Variants in DCDC2C observed in about 807,000 individuals in gnomAD.
The protein encoded by DCDC2C is doublecortin domain containing 2C.
DCDC2C carries 44 observed loss-of-function variants against 45.0 expected under a neutral mutation model. The observed-to-expected ratio is 0.98, with a 90% CI of 0.77 to 1.26. The LOEUF (loss-of-function observed/expected upper bound fraction) is 1.26, where lower values mean the gene tolerates loss of function less well. Ranked by LOEUF, DCDC2C falls within the 50% of genes most tolerant of loss-of-function variation. The pLI is 0.00. For missense variants in DCDC2C, 447 were observed against 468.9 expected (o/e 0.95, Z 0.43); for synonymous variants, 187 against 178.8 (o/e 1.05, Z -0.37).
chr2:3,810,740 T>G (rs1671372292), intron 10 of DCDC2C, among the ~76,000 whole-genome samples: 1 of 152,248 alleles, frequency 6.6e-6, no homozygotes, highest in Admixed American at 6.5e-5. Context: ...TTAATCCATC[T>G]TGAGTTAATT....
intron 10 of DCDC2C, among the ~76,000 whole-genome samples, chr2:3,791,766 C>T (rs1443798221): frequency 6.6e-6 from 1 of 152,214 alleles, no homozygotes; most frequent in South Asian, 2.1e-4. Context: ...CTCTTCCTCC[C>T]CTCCCGCCGG....
intron 2 of DCDC2C, among the ~76,000 whole-genome samples, chr2:3,725,413 G>GCAGAGAGTGAT: frequency 9.8e-6 from 1 of 102,032 alleles, no homozygotes; most frequent in African/African-American, 3.4e-5. Flanking sequence ...CAGAGAGTGA[G>GCAGAGAGTGAT]GAGGCTGCCA....
At chr2:3,752,697 A>G in intron 4 of DCDC2C, 66 bp from the exon 5 acceptor site, 1 of 1,528,578 alleles carries the variant, frequency 6.5e-7, no homozygotes, top group African/African-American at 1.4e-5. Context: ...TGTATGCACA[A>G]ATACCCCAAG....
chr2:3,752,941 A>C (rs1325211058), intron 5 of DCDC2C, 41 bp downstream of exon 5: 1 of 1,537,376 alleles, frequency 6.5e-7, no homozygotes, highest in South Asian at 1.2e-5. Flanking sequence ...GTTTTGGAAA[A>C]AAATTAGCCT....
intron 10 of DCDC2C, among the ~76,000 whole-genome samples, chr2:3,795,884 G>GT (rs1390575202): frequency 1.5e-5 from 2 of 129,374 alleles, no homozygotes; most frequent in East Asian, 3.2e-4. Flanking sequence ...CTTTAAAGTA[G>GT]TTTTTTCCAA....
chr2:3,709,352 G>A (rs1668148130), intron 2 of DCDC2C, among the ~76,000 whole-genome samples: 1 of 152,176 alleles, frequency 6.6e-6, no homozygotes, highest in African/African-American at 2.4e-5. Flanking sequence ...TGTATAATGT[G>A]CCAGCACTAG....
chr2:3,832,241 A>G (rs573482035), intron 10 of DCDC2C, among the ~76,000 whole-genome samples: 1 of 152,356 alleles, frequency 6.6e-6, no homozygotes, highest in South Asian at 2.1e-4. Context: ...CATAGGAAAA[A>G]TCACCTATAG....
intron 10 of DCDC2C, among the ~76,000 whole-genome samples, chr2:3,791,396 TCGCCTTTTCGTGTGGTGGG>T (rs1291760364): frequency 6.6e-6 from 1 of 152,154 alleles, no homozygotes; most frequent in African/African-American, 2.4e-5. Context: ...GATGGACCAA[TCGCCTTTTCGTGTGGTGGG>T]CTCCATGGAA....
intron 10 of DCDC2C, among the ~76,000 whole-genome samples, chr2:3,790,350 G>A (rs1328707853): frequency 6.6e-6 from 1 of 152,220 alleles, no homozygotes; most frequent in East Asian, 1.9e-4. Context: ...CTTAAGACAT[G>A]CTAAGCTCAG....
At chr2:3,766,139 G>A (rs971992224) in intron 6 of DCDC2C, among the ~76,000 whole-genome samples, 5 of 152,030 alleles carry the variant, frequency 3.3e-5, no homozygotes, top group African/African-American at 9.7e-5. Flanking sequence ...GGGGTGGTGG[G>A]GGCTGGGTCA....
chr2:3,813,212 C>T (rs1671460896), intron 10 of DCDC2C, among the ~76,000 whole-genome samples: 1 of 151,764 alleles, frequency 6.6e-6, no homozygotes, highest in African/African-American at 2.4e-5. Flanking sequence ...GCTGGGATTA[C>T]AGGCATGTGC....
intron 1 of DCDC2C, among the ~76,000 whole-genome samples, chr2:3,707,252 G>T (rs1284221955): frequency 2.0e-5 from 3 of 152,018 alleles, no homozygotes; most frequent in African/African-American, 7.3e-5. Flanking sequence ...ATAGTATTTT[G>T]TGTTTTTGTA....
chr2:3,753,392 G>A (rs1375008622), intron 5 of DCDC2C, among the ~76,000 whole-genome samples: 1 of 152,212 alleles, frequency 6.6e-6, no homozygotes, highest in Non-Finnish European at 1.5e-5. Context: ...TGGACATGAA[G>A]CAGTGACCAG....
intron 10 of DCDC2C, among the ~76,000 whole-genome samples, chr2:3,828,382 C>G (rs111471307): frequency 3.3e-5 from 5 of 152,336 alleles, no homozygotes; most frequent in African/African-American, 1.2e-4. Context: ...TGCCCTCTCT[C>G]TGTGGGCTTG....
intron 10 of DCDC2C, among the ~76,000 whole-genome samples, chr2:3,814,996 T>G (rs1671517807): frequency 6.6e-6 from 1 of 152,262 alleles, no homozygotes; most frequent in African/African-American, 2.4e-5. Flanking sequence ...TGCTGGCTGC[T>G]GCCCCTACCC....
intron 3 of DCDC2C, among the ~76,000 whole-genome samples, chr2:3,741,592 C>A (rs571007900): frequency 2.0e-5 from 3 of 152,220 alleles, no homozygotes; most frequent in South Asian, 2.1e-4. Context: ...GACAAGAGAA[C>A]TTTTCCTGTT....
intron 9 of DCDC2C, among the ~76,000 whole-genome samples, chr2:3,783,222 A>G (rs1670561905): frequency 6.6e-6 from 1 of 152,190 alleles, no homozygotes; most frequent in East Asian, 1.9e-4. Context: ...ATAAAGAGAG[A>G]GAGGGACAGG....
intron 10 of DCDC2C, among the ~76,000 whole-genome samples, chr2:3,836,087 A>T (rs1672068510): frequency 6.6e-6 from 1 of 152,178 alleles, no homozygotes; most frequent in Non-Finnish European, 1.5e-5. Flanking sequence ...ATCAGAAAAC[A>T]TTATGGTAGG....
At chr2:3,747,743 G>T (rs140247232) in intron 4 of DCDC2C, among the ~76,000 whole-genome samples, 3 of 152,224 alleles carry the variant, frequency 2.0e-5, no homozygotes, top group African/African-American at 4.8e-5. Context: ...GAGAGCTTGA[G>T]GGGTTTCCAT....
Sources: gnomAD v4.1 joint callset for allele counts (sites outside exome capture counted in the v4.1 genomes callset) on GRCh38, gnomAD v4.1.1 for gene constraint, MANE v1.5 for transcripts, NCBI Gene and HGNC (gene_info 2026-07-23, HGNC 2026-07-21) for gene names.